The following OPCML variants were observed in gnomAD, a reference collection of about 807,000 sequenced individuals.
The protein encoded by OPCML is opioid-binding protein/cell adhesion molecule.
Under a neutral mutation model 37.8 loss-of-function variants are expected in OPCML, and 13 were observed. The ratio of observed to expected loss-of-function variants is 0.34; its 90% CI spans 0.22 to 0.55. OPCML has a LOEUF of 0.55. Among genes scored for constraint, OPCML ranks in the 20% least tolerant of loss-of-function variants. The pLI, the probability that OPCML is intolerant of heterozygous loss-of-function variation, is 0.91. For missense variants in OPCML, 341 were observed against 435.6 expected (o/e 0.78, Z 1.93); for synonymous variants, 176 against 168.8 (o/e 1.04, Z -0.33).
At chr11:132,995,799 A>G (rs1946874005) in intron 1 of OPCML, among the ~76,000 whole-genome samples, 1 of 152,186 alleles carries the variant, frequency 6.6e-6, no homozygotes. Context: ...TGTGTCCAGG[A>G]TAACCCCAGA....
chr11:132,466,761 G>A (rs2096121349), intron 4 of OPCML, among the ~76,000 whole-genome samples: 2 of 152,142 alleles, frequency 1.3e-5, no homozygotes, highest in African/African-American at 4.8e-5. Context: ...TAAGCATTCG[G>A]GGCTGGAGCC....
At chr11:132,491,816 C>G (rs2096216706) in intron 4 of OPCML, among the ~76,000 whole-genome samples, 1 of 151,952 alleles carries the variant, frequency 6.6e-6, no homozygotes, top group Non-Finnish European at 1.5e-5. Flanking sequence ...ATGAAGGAAT[C>G]ATATGCTGGG....
chr11:132,560,611 A>T (rs997385172), intron 3 of OPCML, among the ~76,000 whole-genome samples: 3 of 152,136 alleles, frequency 2.0e-5, no homozygotes, highest in African/African-American at 7.2e-5. Flanking sequence ...AGGATTTTTG[A>T]TTATGGCCAT....
intron 1 of OPCML, among the ~76,000 whole-genome samples, chr11:133,070,163 C>T (rs1948501502): frequency 6.6e-6 from 1 of 152,200 alleles, no homozygotes; most frequent in Admixed American, 6.5e-5. Flanking sequence ...ATCTGCATTA[C>T]AAATTTACCT....
intron 1 of OPCML, among the ~76,000 whole-genome samples, chr11:133,272,552 G>A (rs766030572): frequency 2.6e-5 from 4 of 152,112 alleles, no homozygotes; most frequent in Non-Finnish European, 4.4e-5. Context: ...TTCTGGCCAC[G>A]TGAAAGCCAT....
chr11:132,777,917 A>C (rs903267854), intron 2 of OPCML, among the ~76,000 whole-genome samples: 3 of 152,090 alleles, frequency 2.0e-5, no homozygotes, highest in Admixed American at 1.3e-4. Flanking sequence ...CTTTTTACTC[A>C]AGGGACAAAA....
intron 1 of OPCML, among the ~76,000 whole-genome samples, chr11:133,418,856 A>G (rs1945821829): frequency 6.6e-6 from 1 of 152,150 alleles, no homozygotes. Context: ...TTAGAACCCA[A>G]GATTGACCTT....
At chr11:132,424,864 T>A (rs920972353) in intron 7 of OPCML, among the ~76,000 whole-genome samples, 1 of 152,106 alleles carries the variant, frequency 6.6e-6, no homozygotes, top group Non-Finnish European at 1.5e-5. Flanking sequence ...AATACTAGCT[T>A]GTTTAGATAG....
At chr11:133,254,507 G>A (rs1941248998) in intron 1 of OPCML, among the ~76,000 whole-genome samples, 1 of 152,168 alleles carries the variant, frequency 6.6e-6, no homozygotes, top group African/African-American at 2.4e-5. Flanking sequence ...GATATGCTCT[G>A]GAAAGACAGC....
At chr11:132,689,894 T>C (rs1310344258) in intron 2 of OPCML, among the ~76,000 whole-genome samples, 1 of 152,202 alleles carries the variant, frequency 6.6e-6, no homozygotes, top group Admixed American at 6.5e-5. Context: ...AAAATTTGCC[T>C]TGGACCATAA....
rs569247554 is a variant in OPCML at position 132,573,398 on chromosome 11, T to G, written c.380-44212A>C. On this transcript the variant is annotated intron_variant, in intron 3 of 7. Coordinates refer to ENST00000524381, the MANE Select transcript of OPCML (RefSeq NM_001012393.5). Reference sequence around the variant, plus strand: ...GCTGTAGGCTTTTCATATATGACTTTTATCATGTTGATATATTTTCCTTCT... The same window carrying G: ...GCTGTAGGCTTTTCATATATGACTTGTATCATGTTGATATATTTTCCTTCT... Among the ~76,000 whole-genome samples the G allele has an allele frequency of 1.7e-3, 256 of 152,148 alleles. 2 individuals carry two copies. In the Middle Eastern group the frequency reaches 0.017, roughly 10 times the overall value.
Position 132,417,411 on chromosome 11 carries a change from G to A in OPCML, c.*2782C>T, listed in dbSNP as rs1272108856. ...TACTTTGTTGTCTTTACCCCAGACA[G>A]ATGAGGATCAACTGTAGCATTTCTC... On this transcript the variant is annotated 3_prime_UTR_variant, in exon 8 of 8. Transcript: ENST00000524381. 2.0e-5 allele frequency: 3 copies of A among 152,230 alleles called. No homozygotes were observed. Among genetic ancestry groups the A allele is most frequent in the African/African-American group, 7.2e-5 (3 of 41,464 alleles). 9.4% of individuals were successfully genotyped at this position (152,230 alleles called of 1,614,324 possible). A position where few individuals can be genotyped will look rare whatever the true frequency, so the allele number is the denominator to read the frequency against.
At chr11:132,666,608 A>C (rs1249627629) in intron 2 of OPCML, among the ~76,000 whole-genome samples, 1 of 152,256 alleles carries the variant, frequency 6.6e-6, no homozygotes, top group East Asian at 1.9e-4. Context: ...ACTCTGAAGA[A>C]GTAACATAAT....
intron 2 of OPCML, chr11:132,773,092 CAGAT>C (rs1263574399): frequency 1.3e-5 from 2 of 152,196 alleles, no homozygotes; most frequent in African/African-American, 2.4e-5. Context: ...GAGCGACAGA[CAGAT>C]AGCAACAGAG....
At chr11:133,475,287 A>C (rs1947216710) in intron 1 of OPCML, among the ~76,000 whole-genome samples, 1 of 151,500 alleles carries the variant, frequency 6.6e-6, no homozygotes, top group South Asian at 2.1e-4. Flanking sequence ...CAAATATTTC[A>C]AGCCACATAG....
rs543674611 is a variant in OPCML at position 132,493,586 on chromosome 11, T to TC, written c.505+35474dup. 7.6e-4 allele frequency among the ~76,000 whole-genome samples: 115 copies of TC among 152,280 alleles called. 1 individual carries two copies. The highest frequency in any genetic ancestry group is 5.6e-3 in the Admixed American group (86 of 15,298). On this transcript the variant is annotated intron_variant, in intron 4 of 7. Transcript: ENST00000524381. ...TTCTGTGTCTGCTATCAGCTTTCTT[T>TC]CCCCTCTCCTTCCTGGACTCCCATT...
At chr11:132,620,318 A>G (rs1229858232) in intron 3 of OPCML, among the ~76,000 whole-genome samples, 2 of 152,220 alleles carry the variant, frequency 1.3e-5, no homozygotes, top group Non-Finnish European at 2.9e-5. Flanking sequence ...TCAGTCCAAT[A>G]TCCCAGTTAC....
At chr11:133,140,913 A>AGAT (rs1375300359) in intron 1 of OPCML, among the ~76,000 whole-genome samples, 1 of 16,090 alleles carries the variant, frequency 6.2e-5, no homozygotes, top group African/African-American at 1.4e-4. Context: ...ACGACGAAGA[A>AGAT]GAAGAAGACG....
rs1053067263 is a variant in OPCML, at chr11:132,943,751, G to T, written c.62-741C>A. ...CGGTCGGCGACTCGCGGCCAGCCGG[G>T]GGAGCGCCGCCCGGCGCAGGCTCCG... is the stretch of plus-strand genomic sequence containing the variant. On this transcript the variant is annotated intron_variant, in intron 1 of 7. Coordinates refer to ENST00000524381, the MANE Select transcript of OPCML (RefSeq NM_001012393.5). This position sits in a 1 kb window ranked among gnomAD's most constrained non-coding sequence, Gnocchi z 4.3. 2.0e-5 allele frequency: 3 copies of T among 150,934 alleles called. No individual in the cohort carries two copies. Among genetic ancestry groups the T allele is most frequent in the Non-Finnish European group, 3.0e-5 (2 of 67,670 alleles). 9.3% of individuals were successfully genotyped at this position (150,934 alleles called of 1,614,324 possible).
Sources: gnomAD v4.1 joint callset for allele counts (sites outside exome capture counted in the v4.1 genomes callset) on GRCh38, gnomAD v4.1.1 for gene constraint, Gnocchi (gnomAD v3.1) non-coding constraint, MANE v1.5 for transcripts, NCBI Gene and HGNC (gene_info 2026-07-23, HGNC 2026-07-21) for gene names.